Variants in OLR1 observed in about 807,000 individuals in gnomAD.
OLR1 encodes oxidized low-density lipoprotein receptor 1.
Under a neutral mutation model 31.7 loss-of-function variants are expected in OLR1, and 23 were observed. The ratio of observed to expected loss-of-function variants is 0.72; its 90% confidence interval spans 0.52 to 1.03. The LOEUF (loss-of-function observed/expected upper bound fraction) is 1.03, where lower values mean the gene tolerates loss of function less well. OLR1 is among the 50% of genes least tolerant of loss of function. The probability of loss-of-function intolerance (pLI) is 0.00; values close to 1 mark genes in which losing one functional copy is unlikely to be tolerated. For synonymous variants in OLR1, 117 were observed against 115.8 expected (o/e 1.01, Z -0.07); for missense variants, 286 against 315.7 (o/e 0.91, Z 0.71).
chr12:10,172,173 T>C, upstream of OLR1: 1 of 779,906 alleles, frequency 1.3e-6, no homozygotes, highest in East Asian at 2.6e-5. Context: ...AAATAGCTAC[T>C]GTTATCTAAT....
upstream of OLR1, chr12:10,172,233 A>G (rs1405945144): frequency 3.4e-6 from 2 of 586,062 alleles, no homozygotes; most frequent in African/African-American, 1.9e-5. Flanking sequence ...TTTGCTTCAT[A>G]TTGGGAAGTT....
chr12:10,171,472 C>T (rs979872817), intron 1 of OLR1, among the ~76,000 whole-genome samples: 1 of 152,166 alleles, frequency 6.6e-6, no homozygotes, highest in Non-Finnish European at 1.5e-5. Flanking sequence ...TACTGAATAT[C>T]ATTTACTTTG....
chr12:10,170,141 C>G (rs1948698879), intron 1 of OLR1, among the ~76,000 whole-genome samples: 1 of 152,170 alleles, frequency 6.6e-6, no homozygotes, highest in Admixed American at 6.5e-5. Flanking sequence ...AGCTACATGA[C>G]TTGAAATATT....
At chr12:10,174,697 C>T (rs1948753246), upstream of OLR1, among the ~76,000 whole-genome samples, 1 of 152,138 alleles carries the variant, frequency 6.6e-6, no homozygotes, top group African/African-American at 2.4e-5. Context: ...ATGTACACAG[C>T]GTATTGATCC....
chr12:10,174,220 C>T (rs925258917), upstream of OLR1, among the ~76,000 whole-genome samples: 3 of 152,040 alleles, frequency 2.0e-5, no homozygotes, highest in South Asian at 2.1e-4. Context: ...GCCACCCCTC[C>T]CGGCTAATTG....
intron 1 of OLR1, 45 bp from the exon 2 acceptor site, chr12:10,169,220 C>A: frequency 7.1e-7 from 1 of 1,400,724 alleles, no homozygotes; most frequent in South Asian, 1.2e-5. Flanking sequence ...AAAGAGTGAA[C>A]AAGTAAGCAA....
chr12:10,172,218 G>A (rs1268569955), upstream of OLR1: 1 of 617,792 alleles, frequency 1.6e-6, no homozygotes, highest in Non-Finnish European at 2.8e-6. Flanking sequence ...GGAGGAAGGA[G>A]AGGCTTTGCT....
intron 3 of OLR1, among the ~76,000 whole-genome samples, chr12:10,166,338 G>A (rs535645848): frequency 6.6e-6 from 1 of 152,030 alleles, no homozygotes; most frequent in Non-Finnish European, 1.5e-5. Context: ...GACCAGCCTA[G>A]CCAACATGGT....
intron 3 of OLR1, among the ~76,000 whole-genome samples, chr12:10,162,647 G>C (rs1310563512): frequency 6.6e-6 from 1 of 152,122 alleles, no homozygotes. Context: ...GTGCAACATG[G>C]CGAAACCCCA....
chr12:10,169,514 T>C (rs551717837), intron 1 of OLR1, among the ~76,000 whole-genome samples: 1 of 152,310 alleles, frequency 6.6e-6, no homozygotes, highest in South Asian at 2.1e-4. Flanking sequence ...CAATTACTCC[T>C]CAAGAAACTC....
At chr12:10,167,055 C>CA in intron 2 of OLR1, 98 bp from the exon 3 acceptor site, 1 of 1,196,060 alleles carries the variant, frequency 8.4e-7, no homozygotes, top group Non-Finnish European at 1.2e-6. Context: ...TCTATTTTGA[C>CA]AATAGATAAG....
In OLR1 at chr12:10,159,695, T is replaced by C; in HGVS notation, c.*185A>G. 2.0e-6 allele frequency: 1 copy of C among 502,200 alleles called. No individual in the cohort carries two copies. The highest frequency in any genetic ancestry group is 3.6e-6 in the Non-Finnish European group (1 of 281,038). The allele number at this position is 502,200 out of a possible 1,614,324, so 31.1% of individuals were successfully genotyped here. A position where few individuals can be genotyped will look rare whatever the true frequency, so the allele number is the denominator to read the frequency against. ...AGCTAGGTGAAATAATACAGGTAGCTAGAATCAAAAATGTTGACATAAAGG... is the reference window on the plus strand; with the variant it reads ...AGCTAGGTGAAATAATACAGGTAGCCAGAATCAAAAATGTTGACATAAAGG... On this transcript the variant is annotated 3_prime_UTR_variant, in exon 6 of 6. Coordinates refer to ENST00000309539, the MANE Select transcript of OLR1 (RefSeq NM_002543.4).
At chr12:10,164,439 T>G (rs1411460701) in intron 3 of OLR1, among the ~76,000 whole-genome samples, 1 of 152,254 alleles carries the variant, frequency 6.6e-6, no homozygotes, top group Non-Finnish European at 1.5e-5. Flanking sequence ...AAAATTACTT[T>G]TTATTATCAT....
rs112448679 is a variant in OLR1, at chr12:10,166,694, C to A, written c.424+18G>T. ...GAAAGCTTCCACTATGTCTCCTTAC[C>A]CACCCTTCTCCCAATACCTGAACAA... On this transcript the variant is annotated intron_variant, in intron 3 of 5. Coordinates refer to ENST00000309539, the MANE Select transcript of OLR1 (RefSeq NM_002543.4). The A allele has an allele frequency of 3.7e-6, 6 of 1,613,386 alleles. No homozygotes were observed. The African/African-American group carries it at 6.7e-5, about 18-fold the overall frequency.
At chr12:10,173,915 T>C, upstream of OLR1, among the ~76,000 whole-genome samples, 1 of 152,174 alleles carries the variant, frequency 6.6e-6, no homozygotes, top group South Asian at 2.1e-4. Context: ...TTAGGTGTAC[T>C]GTTCAGTGGC....
At chr12:10,171,259 T>C (rs577060180) in intron 1 of OLR1, among the ~76,000 whole-genome samples, 1 of 152,346 alleles carries the variant, frequency 6.6e-6, no homozygotes, top group South Asian at 2.1e-4. Flanking sequence ...TTTCTGACAA[T>C]ACTTGTCTCT....
At chr12:10,173,746 C>G (rs1465746933), upstream of OLR1, among the ~76,000 whole-genome samples, 2 of 130,924 alleles carry the variant, frequency 1.5e-5, no homozygotes, top group African/African-American at 5.9e-5. Flanking sequence ...GCCTGGGCAA[C>G]AGAGCGAGAC....
At chr12:10,167,112 G>A (rs1848532793) in intron 2 of OLR1, 155 bp from the exon 3 acceptor site, 4 of 671,356 alleles carry the variant, frequency 6.0e-6, no homozygotes, top group Non-Finnish European at 9.9e-6. Context: ...AGATTTGGAG[G>A]TTCTTGAATA....
In OLR1 at chr12:10,166,928, C is replaced by G. The variant is rs757319493; in HGVS notation, c.208G>C (p.Glu70Gln). 6.2e-7 allele frequency: 1 copy of G among 1,613,598 alleles called. No individual in the cohort carries two copies. The highest frequency in any genetic ancestry group is 2.2e-5 in the East Asian group (1 of 44,830). Reference protein sequence around the residue: ...LSQVSDLLTQEQANLTHQKKK... With the variant: ...LSQVSDLLTQQQANLTHQKKK... ...TTCTGGTGAGTTAGGTTTGCTTGCT[C>G]TTGTGTTAGGAGGTCAGACACCTGG... The change falls in exon 3 of 6, where the codon GAG becomes CAG. Residue 70 changes from glutamate to glutamine, a missense_variant. Coordinates refer to ENST00000309539, the MANE Select transcript of OLR1 (RefSeq NM_002543.4).
Sources: allele counts gnomAD v4.1 joint callset (sites outside exome capture counted in the v4.1 genomes callset), GRCh38; gene constraint gnomAD v4.1.1; transcripts MANE v1.5; gene names NCBI Gene and HGNC (gene_info 2026-07-23, HGNC 2026-07-21).